Variants in DRAM1 observed in about 807,000 individuals in gnomAD.
DRAM1 encodes DNA damage-regulated autophagy modulator protein 1.
DRAM1 carries 25 observed loss-of-function variants against 28.5 expected under a neutral mutation model. That is an observed-to-expected ratio of 0.88 (90% CI 0.64 to 1.23). The LOEUF is 1.23. DRAM1 is among the 50% of genes most tolerant of loss of function. The pLI is 0.00. For synonymous variants in DRAM1, 113 were observed against 114.2 expected, an observed-to-expected ratio of 0.99 and a Z score of 0.07; for missense variants, 249 against 299.2, an observed-to-expected ratio of 0.83 and a Z score of 1.24.
At chr12:101,881,382 G>A (rs74240200) in intron 1 of DRAM1, among the ~76,000 whole-genome samples, 5,911 of 152,016 alleles carry the variant, frequency 0.039, 326 homozygotes, top group East Asian at 0.23. Context: ...TTTTTTGGAG[G>A]TGGGGTCTTG....
At chr12:101,906,071 A>C (rs1873796337) in intron 3 of DRAM1, among the ~76,000 whole-genome samples, 1 of 152,208 alleles carries the variant, frequency 6.6e-6, no homozygotes, top group Non-Finnish European at 1.5e-5. Context: ...TACAGGCGTG[A>C]GCCACAGTAC....
At chr12:101,882,265 C>T (rs373213901) in intron 1 of DRAM1, among the ~76,000 whole-genome samples, 2 of 150,718 alleles carry the variant, frequency 1.3e-5, no homozygotes, top group South Asian at 2.3e-4. Flanking sequence ...CCCGCCACCC[C>T]TCCCGGCTAA....
chr12:101,918,807 G>A (rs1214418699), intron 5 of DRAM1, among the ~76,000 whole-genome samples: 4 of 152,140 alleles, frequency 2.6e-5, no homozygotes, highest in African/African-American at 7.2e-5. Flanking sequence ...AGAAAGTGAC[G>A]TAGGAAATCA....
At chr12:101,901,733 G>A (rs368125906) in intron 3 of DRAM1, among the ~76,000 whole-genome samples, 1 of 152,112 alleles carries the variant, frequency 6.6e-6, no homozygotes, top group African/African-American at 2.4e-5. Context: ...TACAAAATTA[G>A]CCAGGTGTGG....
intron 4 of DRAM1, 110 bp downstream of exon 4, chr12:101,908,473 CAG>C (rs1329678706): frequency 4.4e-6 from 5 of 1,142,322 alleles, no homozygotes; most frequent in Non-Finnish European, 6.2e-6. Flanking sequence ...GTTCTGACAG[CAG>C]GGCGGAGAGA....
At chr12:101,886,189 T>A (rs1872881450) in intron 1 of DRAM1, among the ~76,000 whole-genome samples, 1 of 152,186 alleles carries the variant, frequency 6.6e-6, no homozygotes, top group Non-Finnish European at 1.5e-5. Flanking sequence ...TGACTTGCAT[T>A]GTTGACTATT....
At chr12:101,898,615 A>T (rs1304519442) in intron 2 of DRAM1, among the ~76,000 whole-genome samples, 1 of 152,226 alleles carries the variant, frequency 6.6e-6, no homozygotes, top group African/African-American at 2.4e-5. Context: ...CAAGCTGATG[A>T]AAAGTCACCT....
At chr12:101,919,651 A>G (rs1261564915) in intron 5 of DRAM1, among the ~76,000 whole-genome samples, 1 of 152,212 alleles carries the variant, frequency 6.6e-6, no homozygotes, top group Non-Finnish European at 1.5e-5. Flanking sequence ...CACGAAACCT[A>G]GGGGACTAGT....
rs1252248963 is a variant in DRAM1 at position 101,920,156 on chromosome 12, C to G, written c.627C>G (p.Ala209=). ...VVSAICEWTV[A]FGFIFYFLTF... Reference sequence around the variant, plus strand: ...GTGCGATCTGTGAATGGACAGTGGCCTTTGGTTTTATTTTCTACTTCCTAA... The same window carrying G: ...GTGCGATCTGTGAATGGACAGTGGCGTTTGGTTTTATTTTCTACTTCCTAA... The change falls in exon 6 of 7, where the codon GCC becomes GCG. Residue 209 remains alanine, a synonymous_variant. Coordinates refer to ENST00000258534, the MANE Select transcript of DRAM1 (RefSeq NM_018370.3). 6.2e-7 allele frequency: 1 copy of G among 1,611,808 alleles called. No individual in the cohort carries two copies. Among genetic ancestry groups the G allele is most frequent in the African/African-American group, 1.3e-5 (1 of 74,880 alleles).
chr12:101,882,971 G>T (rs1872742341), intron 1 of DRAM1, among the ~76,000 whole-genome samples: 1 of 149,932 alleles, frequency 6.7e-6, no homozygotes, highest in Admixed American at 6.7e-5. Context: ...TATCAGTAGA[G>T]AATTGCCTAA....
In DRAM1 at chr12:101,897,869, G is replaced by A. The variant is rs374011968; in HGVS notation, c.138G>A (p.Thr46=). ...CATTTCTTCCCTTTGCCAGTGATAC[G>A]GGAACAACACCTCCAGAGAGTGGTA... ...VNPFLPYISD[T]GTTPPESGIF... Residue 46 remains threonine, a synonymous_variant, in exon 2 of 7, where the codon ACG becomes ACA. Coordinates refer to ENST00000258534, the MANE Select transcript of DRAM1 (RefSeq NM_018370.3). The A allele has an allele frequency of 1.9e-5, 31 of 1,609,566 alleles. No homozygotes were observed. Among genetic ancestry groups the A allele is most frequent in the African/African-American group, 1.1e-4 (8 of 74,728 alleles).
At chr12:101,892,978 C>T (rs1031946249) in intron 1 of DRAM1, among the ~76,000 whole-genome samples, 4 of 152,184 alleles carry the variant, frequency 2.6e-5, no homozygotes, top group African/African-American at 9.7e-5. Flanking sequence ...TTGTATTGTA[C>T]TGTTGCAGTG....
At chr12:101,898,207 G>GA (rs1286686205) in intron 2 of DRAM1, among the ~76,000 whole-genome samples, 2 of 151,928 alleles carry the variant, frequency 1.3e-5, no homozygotes, top group African/African-American at 2.4e-5. Flanking sequence ...GTTTTTTGTA[G>GA]AGATGGGGTT....
chr12:101,880,410 C>G (rs1872653595), intron 1 of DRAM1, among the ~76,000 whole-genome samples: 1 of 150,876 alleles, frequency 6.6e-6, no homozygotes, highest in African/African-American at 2.4e-5. Context: ...ACTCAGCCTC[C>G]CAAGTAGCTG....
Position 101,923,410 on chromosome 12 carries a change from C to T in DRAM1, c.*2150C>T, listed in dbSNP as rs1566135515. On this transcript the variant is annotated 3_prime_UTR_variant, in exon 7 of 7. Coordinates refer to ENST00000258534, the MANE Select transcript of DRAM1 (RefSeq NM_018370.3). ...TTGGGAGCTCCTTGAGGGCAGAGTA[C>T]GTGCCTTAATCTTTATCTTTGTAAT... The T allele has an allele frequency of 2.0e-5, 3 of 152,154 alleles. No homozygotes were observed. The highest frequency in any genetic ancestry group is 1.3e-4 in the Admixed American group (2 of 15,272). The allele number at this position is 152,154 out of a possible 1,614,324, so 9.4% of individuals were successfully genotyped here. A position where few individuals can be genotyped will look rare whatever the true frequency, so the allele number is the denominator to read the frequency against.
intron 1 of DRAM1, among the ~76,000 whole-genome samples, chr12:101,885,979 T>C (rs556194703): frequency 1.3e-5 from 2 of 152,328 alleles, no homozygotes; most frequent in South Asian, 2.1e-4. Context: ...TTGGTAAATA[T>C]TGGTTGAATG....
chr12:101,883,602 C>T (rs1449038593), intron 1 of DRAM1, among the ~76,000 whole-genome samples: 1 of 150,672 alleles, frequency 6.6e-6, no homozygotes, highest in Admixed American at 6.6e-5. Flanking sequence ...GCGTGAGCCA[C>T]TGCGCCCCGC....
chr12:101,882,916 C>G lies in DRAM1; in HGVS notation c.131+4996C>G, dbSNP rs550749398. On this transcript the variant is annotated intron_variant, in intron 1 of 6. Coordinates refer to ENST00000258534, the MANE Select transcript of DRAM1 (RefSeq NM_018370.3). ...AGAATGGCATTTCTGCAGAGTTACT[C>G]AGGGCATTGCTTTGAATAACAAAAG... Among the ~76,000 whole-genome samples, 5 of 145,432 alleles carry G rather than the reference C, an allele frequency of 3.4e-5. No homozygotes were observed. In the Admixed American group the frequency reaches 3.5e-4, roughly 10 times the overall value.
chr12:101,879,180 T>C (rs1341398407), intron 1 of DRAM1, among the ~76,000 whole-genome samples: 1 of 152,070 alleles, frequency 6.6e-6, no homozygotes, highest in Admixed American at 6.6e-5. Context: ...GTATTTTTAG[T>C]AGAGACAGGG....
Sources: gnomAD v4.1 joint callset for allele counts (sites outside exome capture counted in the v4.1 genomes callset) on GRCh38, gnomAD v4.1.1 for gene constraint, MANE v1.5 for transcripts, NCBI Gene and HGNC (gene_info 2026-07-23, HGNC 2026-07-21) for gene names.